PAK5: variants seen among roughly 807,000 people sequenced by gnomAD.
PAK5 encodes p21 (RAC1) activated kinase 5.
Under a neutral mutation model 65.9 loss-of-function variants are expected in PAK5, and 16 were observed. The observed-to-expected ratio is 0.24, with a 90% CI of 0.16 to 0.37. PAK5 has a LOEUF of 0.37. PAK5 is among the 10% of genes least tolerant of loss of function. PAK5 has a pLI of 1.00. For synonymous variants in PAK5, 371 were observed against 354.9 expected (o/e 1.05, Z -0.51); for missense variants, 785 against 903.9 (o/e 0.87, Z 1.69).
At chr20:9,564,354 T>C (rs1166819450) in intron 5 of PAK5, among the ~76,000 whole-genome samples, 1 of 152,172 alleles carries the variant, frequency 6.6e-6, no homozygotes, top group East Asian at 1.9e-4. Flanking sequence ...CCTTAACATA[T>C]CAATAGCTCC....
chr20:9,727,869 T>G (rs1054719139), intron 1 of PAK5, among the ~76,000 whole-genome samples: 1 of 152,122 alleles, frequency 6.6e-6, no homozygotes. Context: ...ACCTTCCTTT[T>G]TGGCAACACA....
intron 2 of PAK5, among the ~76,000 whole-genome samples, chr20:9,677,483 T>A (rs1327627383): frequency 6.6e-6 from 1 of 152,188 alleles, no homozygotes; most frequent in Non-Finnish European, 1.5e-5. Context: ...AAACCCTGGG[T>A]GTGACCACAC....
chr20:9,562,862 C>T (rs1191526050), intron 6 of PAK5, 29 bp downstream of exon 6: 24 of 1,599,082 alleles, frequency 1.5e-5, no homozygotes, highest in Admixed American at 1.8e-5. Flanking sequence ...AGAAGCACCT[C>T]GAATTCTCTG....
chr20:9,790,546 A>G (rs1233851492), intron 1 of PAK5, among the ~76,000 whole-genome samples: 1 of 152,052 alleles, frequency 6.6e-6, no homozygotes, highest in African/African-American at 2.4e-5. Flanking sequence ...AACTCTGTTG[A>G]CCAGGCTGTA....
At chr20:9,641,308 TGAG>T in intron 3 of PAK5, among the ~76,000 whole-genome samples, 8 of 147,934 alleles carry the variant, frequency 5.4e-5, no homozygotes, top group African/African-American at 1.8e-4. Flanking sequence ...TTACAATCCC[TGAG>T]CTAGACATAA....
intron 1 of PAK5, among the ~76,000 whole-genome samples, chr20:9,801,630 T>A (rs6108342): frequency 0.1 from 15,286 of 151,568 alleles, 1,470 homozygotes; most frequent in African/African-American, 0.24. Flanking sequence ...ACTATTTCTG[T>A]CACGAAGAAA....
At chr20:9,790,552 C>CTG (rs1384309431) in intron 1 of PAK5, among the ~76,000 whole-genome samples, 1 of 152,100 alleles carries the variant, frequency 6.6e-6, no homozygotes, top group Non-Finnish European at 1.5e-5. Flanking sequence ...GTTGACCAGG[C>CTG]TGTAGTACAG....
chr20:9,754,703 C>T (rs2048614193), intron 1 of PAK5, among the ~76,000 whole-genome samples: 2 of 152,146 alleles, frequency 1.3e-5, no homozygotes, highest in African/African-American at 4.8e-5. Context: ...TTCAGAAAAG[C>T]ATTGTTATCA....
At chr20:9,649,473 C>A (rs999986448) in intron 2 of PAK5, among the ~76,000 whole-genome samples, 1 of 152,140 alleles carries the variant, frequency 6.6e-6, no homozygotes, top group East Asian at 1.9e-4. Flanking sequence ...AATCCAGATC[C>A]CCAGACTCTA....
chr20:9,823,943 A>C (rs2049454893), intron 1 of PAK5, among the ~76,000 whole-genome samples: 2 of 152,316 alleles, frequency 1.3e-5, no homozygotes, highest in East Asian at 3.9e-4. Flanking sequence ...AGGCAGCACA[A>C]TCTGCTATTT....
intron 1 of PAK5, among the ~76,000 whole-genome samples, chr20:9,817,758 T>C (rs532853740): frequency 1.7e-3 from 264 of 152,312 alleles, no homozygotes; most frequent in Admixed American, 3.3e-3. Flanking sequence ...CAATCCATGC[T>C]TGCCAAGTCC....
chr20:9,577,392 C>CGTGTGTACACAT (rs2045903989), intron 4 of PAK5: 2 of 152,062 alleles, frequency 1.3e-5, no homozygotes, highest in Admixed American at 1.3e-4. Context: ...AACACACACA[C>CGTGTGTACACAT]GTGTGTACAC....
chr20:9,617,381 C>T lies in PAK5; in HGVS notation c.204+26744G>A, dbSNP rs185813710. On this transcript the variant is annotated intron_variant, in intron 3 of 9. Coordinates refer to ENST00000353224, the MANE Select transcript of PAK5 (RefSeq NM_177990.4). ...CTGGGGATTGGGCCCCAGATCTGTA[C>T]GGTAAGTAATTCTTCCCAGACGATT... Among the ~76,000 whole-genome samples the T allele has an allele frequency of 5.2e-4, 79 of 152,112 alleles. No individual in the cohort carries two copies. The Middle Eastern group carries it at 0.01, about 20-fold the overall frequency.
chr20:9,606,898 T>C (rs1251804764), intron 3 of PAK5, among the ~76,000 whole-genome samples: 1 of 152,094 alleles, frequency 6.6e-6, no homozygotes, highest in Non-Finnish European at 1.5e-5. Flanking sequence ...TGCCTCCCCA[T>C]GAAATGAGAA....
chr20:9,615,887 T>C (rs1438362733), intron 3 of PAK5, among the ~76,000 whole-genome samples: 1 of 152,238 alleles, frequency 6.6e-6, no homozygotes, highest in Non-Finnish European at 1.5e-5. Context: ...GAGCACCACA[T>C]GAGGCCTCTC....
intron 3 of PAK5, among the ~76,000 whole-genome samples, chr20:9,616,277 G>T (rs969512886): frequency 3.9e-5 from 6 of 152,140 alleles, no homozygotes; most frequent in African/African-American, 1.2e-4. Flanking sequence ...AATTAAAAAG[G>T]GCAGTTCCTA....
At position 9,580,831 on chromosome 20, in the gene PAK5, T is replaced by C; in HGVS notation, c.304A>G (p.Lys102Glu). 1 of 1,613,954 alleles carries C rather than the reference T, an allele frequency of 6.2e-7. No homozygotes were observed. Among genetic ancestry groups the C allele is most frequent in the Non-Finnish European group, 8.5e-7 (1 of 1,179,934 alleles). Residue 102 changes from lysine to glutamate, a missense_variant, in exon 4 of 10, where the codon AAA becomes GAA. Coordinates refer to ENST00000353224, the MANE Select transcript of PAK5 (RefSeq NM_177990.4). ...TGATCTGGGGTGGGTGGGCTTTCTT[T>C]CCTTAGGGAGTTGGAGCGAGTCACC... ...ISVTRSNSLR[K>E]ESPPTPDQGA...
At chr20:9,741,828 T>C (rs939034955) in intron 1 of PAK5, among the ~76,000 whole-genome samples, 9 of 151,982 alleles carry the variant, frequency 5.9e-5, no homozygotes, top group African/African-American at 2.2e-4. Flanking sequence ...ATACATCCAC[T>C]TCTTCAAGCA....
At chr20:9,732,896 C>A (rs572270231) in intron 1 of PAK5, among the ~76,000 whole-genome samples, 2 of 152,344 alleles carry the variant, frequency 1.3e-5, no homozygotes, top group African/African-American at 4.8e-5. Context: ...CACCAATTAT[C>A]ATCTTTGATT....
Sources: allele counts gnomAD v4.1 joint callset (sites outside exome capture counted in the v4.1 genomes callset), GRCh38; gene constraint gnomAD v4.1.1; transcripts MANE v1.5; gene names NCBI Gene and HGNC (gene_info 2026-07-23, HGNC 2026-07-21).